Variants in SMIM19 observed in about 807,000 individuals in gnomAD.
The protein encoded by SMIM19 is UPF0697 protein C8orf40.
SMIM19 carries 6 observed loss-of-function variants against 13.2 expected under a neutral mutation model. The observed-to-expected ratio is 0.45, with a 90% confidence interval of 0.25 to 0.90. The LOEUF (loss-of-function observed/expected upper bound fraction) is 0.90, where lower values mean the gene tolerates loss of function less well. Among genes scored for constraint, SMIM19 ranks in the 40% least tolerant of loss-of-function variants. The probability of loss-of-function intolerance (pLI) is 0.19; values close to 1 mark genes in which losing one functional copy is unlikely to be tolerated. For missense variants in SMIM19, 138 were observed against 131.0 expected (o/e 1.05, Z -0.26); for synonymous variants, 46 against 43.1 (o/e 1.07, Z -0.27).
intron 2 of SMIM19, among the ~76,000 whole-genome samples, chr8:42,546,901 T>C (rs562251911): frequency 2.3e-5 from 3 of 127,872 alleles, no homozygotes; most frequent in South Asian, 2.6e-4. Context: ...GAGAATCACT[T>C]GAACCAGGGA....
rs1373469583 is a variant in SMIM19, at chr8:42,548,692, A to G, written c.171A>G (p.Pro57=). The change falls in exon 3 of 4, where the codon CCA becomes CCG. Residue 57 remains proline, a synonymous_variant. Coordinates refer to ENST00000417410, the MANE Select transcript of SMIM19 (RefSeq NM_001135674.2). ...KRRIMRIFSV[P]PTEETLSEPN... ...GAATTATGAGGATATTCAGTGTGCC[A>G]CCTACAGAGGAAACTTTGTCAGAGC... 6.2e-7 allele frequency: 1 copy of G among 1,613,948 alleles called. No individual in the cohort carries two copies. Among genetic ancestry groups the G allele is most frequent in the Admixed American group, 1.7e-5 (1 of 60,004 alleles).
rs927016231 is a variant in SMIM19, at chr8:42,553,328, T to G, written c.*720T>G. Reference sequence around the variant, plus strand: ...CTCATTATGCTCCCAGGAGCGAGTTTGTTTTTATCCCCGTTTCATTTCTAC... The same window carrying G: ...CTCATTATGCTCCCAGGAGCGAGTTGGTTTTTATCCCCGTTTCATTTCTAC... On this transcript the variant is annotated 3_prime_UTR_variant, in exon 4 of 4. Coordinates refer to ENST00000417410, the MANE Select transcript of SMIM19 (RefSeq NM_001135674.2). 1 of 152,268 alleles carries G rather than the reference T, an allele frequency of 6.6e-6. No individual in the cohort carries two copies. Among genetic ancestry groups the G allele is most frequent in the African/African-American group, 2.4e-5 (1 of 41,462 alleles). 9.4% of individuals were successfully genotyped at this position (152,268 alleles called of 1,614,324 possible). A position where few individuals can be genotyped will look rare whatever the true frequency, so the allele number is the denominator to read the frequency against.
rs1813204071 is a variant in SMIM19, at chr8:42,541,763, C to T, written c.-615C>T. 5 of 149,862 alleles carry T rather than the reference C, an allele frequency of 3.3e-5. No individual in the cohort carries two copies. In the South Asian group the frequency reaches 1.0e-3, roughly 31 times the overall value. 9.3% of individuals were successfully genotyped at this position (149,862 alleles called of 1,614,324 possible). A position where few individuals can be genotyped will look rare whatever the true frequency, so the allele number is the denominator to read the frequency against. ...CCCCGGCGGGGCCGCGTCACCCGGC[C>T]CCGCCCCGCGCCGCCCGCCCCGCCC... On this transcript the variant is annotated 5_prime_UTR_variant, in exon 1 of 4. Transcript: ENST00000417410.
chr8:42,549,998 A>T (rs1459115115), intron 3 of SMIM19, among the ~76,000 whole-genome samples: 1 of 152,098 alleles, frequency 6.6e-6, no homozygotes, highest in Non-Finnish European at 1.5e-5. Context: ...CAGGAGGTTG[A>T]GGCAAGAGAA....
rs906033745 is a variant in SMIM19 at position 42,552,603 on chromosome 8, G to T, written c.319G>T (p.Glu107Ter). ...AGCTGACAGTGTGCAACTCTCATTGGAATGAAACCTCAGAAAAAGAGCAAC... is the reference window on the plus strand; with the variant it reads ...AGCTGACAGTGTGCAACTCTCATTGTAATGAAACCTCAGAAAAAGAGCAAC... ...NQADSVQLSL[E>*] is the part of the protein sequence containing the mutation. Residue 107 changes from glutamate to a stop codon, truncating the protein, a stop_gained, in exon 4 of 4, where the codon GAA becomes TAA. Coordinates refer to ENST00000417410, the MANE Select transcript of SMIM19 (RefSeq NM_001135674.2). LOFTEE classifies it high-confidence loss of function. The T allele has an allele frequency of 1.2e-6, 2 of 1,613,864 alleles. No individual in the cohort carries two copies. The highest frequency in any genetic ancestry group is 1.3e-5 in the African/African-American group (1 of 74,926).
rs967275356 is a variant in SMIM19, at chr8:42,541,760, GGCCCCGCCCCGCGCCGCCC to G, written c.-606_-588del. On this transcript the variant is annotated 5_prime_UTR_variant, in exon 1 of 4. Transcript: ENST00000417410. ...GGTCCCCGGCGGGGCCGCGTCACCC[GGCCCCGCCCCGCGCCGCCC>G]GCCCCGCCCCGGACGCGGGGGTAAG... 1.3e-5 allele frequency: 2 copies of G among 148,954 alleles called. No individual in the cohort carries two copies. The highest frequency in any genetic ancestry group is 4.9e-5 in the African/African-American group (2 of 40,884). 9.2% of individuals were successfully genotyped at this position (148,954 alleles called of 1,614,324 possible).
At chr8:42,541,314 G>GAGCCCCGCCGGCGCCGACC (rs1350002987), upstream of SMIM19, 1 of 148,574 alleles carries the variant, frequency 6.7e-6, no homozygotes, top group Non-Finnish European at 1.5e-5. Context: ...CCGCCGCCGC[G>GAGCCCCGCCGGCGCCGACC]AGCCCCGCCG....
rs751817667 is a variant in SMIM19, at chr8:42,548,643, A to T, written c.135-13A>T. 3.1e-6 allele frequency: 5 copies of T among 1,613,276 alleles called. No homozygotes were observed. In the South Asian group the frequency reaches 5.5e-5, roughly 18 times the overall value. On this transcript the variant is annotated splice_polypyrimidine_tract_variant and intron_variant, in intron 2 of 3. Coordinates refer to ENST00000417410, the MANE Select transcript of SMIM19 (RefSeq NM_001135674.2). ...TAATACAAACATCTCTTCTGCATGG[A>T]TTTTGTGTTTAGGAACAAAAGGAGA... is the stretch of plus-strand genomic sequence containing the variant.
chr8:42,543,946 CT>C (rs1188123295), intron 1 of SMIM19, among the ~76,000 whole-genome samples: 1 of 152,150 alleles, frequency 6.6e-6, no homozygotes, highest in African/African-American at 2.4e-5. Context: ...CTATTTTACA[CT>C]TTGGCACCAA....
chr8:42,546,315 C>A (rs1813479965), intron 1 of SMIM19, 154 bp from the exon 2 acceptor site: 4 of 812,892 alleles, frequency 4.9e-6, no homozygotes, highest in Middle Eastern at 2.7e-4. Context: ...AAATGTGCCA[C>A]TTAGAAATGT....
intron 1 of SMIM19, among the ~76,000 whole-genome samples, chr8:42,544,940 T>G (rs1813426751): frequency 6.6e-6 from 1 of 152,228 alleles, no homozygotes; most frequent in African/African-American, 2.4e-5. Context: ...GACATTTTAG[T>G]GAAAGAATTT....
At chr8:42,551,420 T>G (rs1018686660) in intron 3 of SMIM19, among the ~76,000 whole-genome samples, 9 of 152,170 alleles carry the variant, frequency 5.9e-5, no homozygotes, top group African/African-American at 2.2e-4. Context: ...TTAAGACAGT[T>G]TTTCTTCAAT....
chr8:42,545,197 A>T (rs1169456393), intron 1 of SMIM19, among the ~76,000 whole-genome samples: 1 of 152,238 alleles, frequency 6.6e-6, no homozygotes, highest in African/African-American at 2.4e-5. Context: ...CTCTCTTTAA[A>T]GAAAAATTCA....
Position 42,554,590 on chromosome 8 carries a change from A to G in SMIM19, c.*1982A>G, listed in dbSNP as rs1813767430. The G allele has an allele frequency of 6.6e-6, 1 of 152,158 alleles. No individual in the cohort carries two copies. Among genetic ancestry groups the G allele is most frequent in the South Asian group, 2.1e-4 (1 of 4,824 alleles). 9.4% of individuals were successfully genotyped at this position (152,158 alleles called of 1,614,324 possible). Reference sequence around the variant, plus strand: ...CCTCTCCGTTTTTTCCTTAAAGCAAACTGATGGGAATTGCACACACCCCAC... The same window carrying G: ...CCTCTCCGTTTTTTCCTTAAAGCAAGCTGATGGGAATTGCACACACCCCAC... On this transcript the variant is annotated 3_prime_UTR_variant, in exon 4 of 4. Transcript: ENST00000417410.
In SMIM19 at chr8:42,546,477, C is replaced by G; in HGVS notation, c.5C>G (p.Ala2Gly). Residue 2 changes from alanine (A) to glycine (G), a missense_variant, in exon 2 of 4, where the codon GCT (alanine) becomes GGT (glycine). Physicochemically the swap from Ala to Gly is moderately conservative, Grantham distance 60. Coordinates refer to ENST00000417410, the MANE Select transcript of SMIM19 (RefSeq NM_001135674.2). ...TCTTTTCTCTCTTACAGCCCCATGG[C>G]TGGGGGTTATGGAGTGATGGGTGAC... M[A>G]GGYGVMGDDG... The G allele has an allele frequency of 6.2e-7, 1 of 1,607,570 alleles. No homozygotes were observed.
chr8:42,544,852 T>C (rs1813423621), intron 1 of SMIM19, among the ~76,000 whole-genome samples: 1 of 152,184 alleles, frequency 6.6e-6, no homozygotes, highest in Admixed American at 6.5e-5. Context: ...AACTCTGCCC[T>C]CAAAACATGT....
intron 1 of SMIM19, among the ~76,000 whole-genome samples, chr8:42,542,821 A>AG (rs1813304328): frequency 6.6e-6 from 1 of 151,664 alleles, no homozygotes; most frequent in South Asian, 2.1e-4. Flanking sequence ...TAAAAAAAAA[A>AG]AAATAAGAAT....
intron 1 of SMIM19, 107 bp from the exon 2 acceptor site, chr8:42,546,362 G>C: frequency 7.6e-7 from 1 of 1,314,090 alleles, no homozygotes; most frequent in South Asian, 1.9e-5. Context: ...CACACAAACA[G>C]GTGGTGGACT....
chr8:42,545,580 C>A (rs148731746), intron 1 of SMIM19, among the ~76,000 whole-genome samples: 1 of 152,140 alleles, frequency 6.6e-6, no homozygotes, highest in African/African-American at 2.4e-5. Context: ...ACCCAGGCTG[C>A]ATTGCAACTG....
Sources: allele counts gnomAD v4.1 joint callset (sites outside exome capture counted in the v4.1 genomes callset), GRCh38; gene constraint gnomAD v4.1.1; transcripts MANE v1.5; gene names NCBI Gene and HGNC (gene_info 2026-07-23, HGNC 2026-07-21).